The following SLC30A4 variants were observed in gnomAD, a reference collection of about 807,000 sequenced individuals.
The protein encoded by SLC30A4 is probable proton-coupled zinc antiporter SLC30A4.
SLC30A4 carries 20 observed loss-of-function variants against 41.7 expected under a neutral mutation model. The ratio of observed to expected loss-of-function variants is 0.48; its 90% CI spans 0.34 to 0.70. The LOEUF (loss-of-function observed/expected upper bound fraction) is 0.70, where lower values mean the gene tolerates loss of function less well. SLC30A4 is among the 30% of genes least tolerant of loss of function. The pLI, the probability that SLC30A4 is intolerant of heterozygous loss-of-function variation, is 0.01. For synonymous variants in SLC30A4, 181 were observed against 195.9 expected (o/e 0.92, Z 0.64); for missense variants, 441 against 529.3 (o/e 0.83, Z 1.64).
At chr15:45,518,411 A>T (rs1892558697) in intron 2 of SLC30A4, among the ~76,000 whole-genome samples, 1 of 152,194 alleles carries the variant, frequency 6.6e-6, no homozygotes, top group African/African-American at 2.4e-5. Context: ...TCCATTGTAC[A>T]TTCAGAACAT....
intron 6 of SLC30A4, 53 bp from the exon 7 acceptor site, chr15:45,486,798 T>C: frequency 9.6e-7 from 1 of 1,044,886 alleles, no homozygotes; most frequent in Non-Finnish European, 1.3e-6. Flanking sequence ...ATAAAGGAAC[T>C]TTTACATTAC....
intron 2 of SLC30A4, chr15:45,520,918 C>A (rs1324345779): frequency 2.5e-6 from 1 of 400,724 alleles, no homozygotes; most frequent in Non-Finnish European, 5.0e-6. Context: ...ATAGAAGGAC[C>A]AGCCACTTTG....
Position 45,490,853 on chromosome 15 carries a change from C to T in SLC30A4, c.567G>A (p.Leu189=), listed in dbSNP as rs777804013. The T allele has an allele frequency of 6.3e-7, 1 of 1,597,928 alleles. No homozygotes were observed. The change falls in exon 4 of 8, where the codon CTG becomes CTA. Residue 189 remains leucine, a synonymous_variant. Transcript: ENST00000261867. ...LEVLSAMISV[L]LVYILMGFLL... ...GGAATCCCATAAGTATATACACCAACAGCACACTAATCATAGCTGACAAAA... is the reference window on the plus strand; with the variant it reads ...GGAATCCCATAAGTATATACACCAATAGCACACTAATCATAGCTGACAAAA...
At chr15:45,510,614 TATG>T (rs925308102) in intron 3 of SLC30A4, among the ~76,000 whole-genome samples, 2 of 151,944 alleles carry the variant, frequency 1.3e-5, no homozygotes, top group African/African-American at 4.8e-5. Flanking sequence ...GATAGCAATG[TATG>T]ATTTTAACTC....
chr15:45,487,387 A>G (rs1218463817), intron 6 of SLC30A4, 140 bp downstream of exon 6: 2 of 462,940 alleles, frequency 4.3e-6, no homozygotes, highest in East Asian at 5.9e-5. Flanking sequence ...TACATGTTAC[A>G]TACATGTAAG....
At chr15:45,509,127 A>G (rs904056718) in intron 3 of SLC30A4, among the ~76,000 whole-genome samples, 4 of 152,192 alleles carry the variant, frequency 2.6e-5, no homozygotes, top group Non-Finnish European at 5.9e-5. Flanking sequence ...AGGTGTTTAA[A>G]TCTCAAAAAA....
chr15:45,522,725 G>C lies in SLC30A4; in HGVS notation c.-233C>G, dbSNP rs1321288247. 2 of 164,224 alleles carry C rather than the reference G, an allele frequency of 1.2e-5. No individual in the cohort carries two copies. The highest frequency in any genetic ancestry group is 3.5e-4 in the East Asian group (2 of 5,744). 10.2% of individuals were successfully genotyped at this position (164,224 alleles called of 1,614,324 possible). A position where few individuals can be genotyped will look rare whatever the true frequency, so the allele number is the denominator to read the frequency against. Reference sequence around the variant, plus strand: ...GTGGGGTCGTGCTCGCGCCCGCCGCGCCCGCTGCTGGAGGCCGGCTCCCCA... The same window carrying C: ...GTGGGGTCGTGCTCGCGCCCGCCGCCCCCGCTGCTGGAGGCCGGCTCCCCA... On this transcript the variant is annotated 5_prime_UTR_variant, in exon 1 of 8. Coordinates refer to ENST00000261867, the MANE Select transcript of SLC30A4 (RefSeq NM_013309.6).
chr15:45,497,966 C>T (rs2140826424), intron 3 of SLC30A4, among the ~76,000 whole-genome samples: 1 of 152,224 alleles, frequency 6.6e-6, no homozygotes, highest in South Asian at 2.1e-4. Context: ...CACACACAAC[C>T]CAAACATATT....
chr15:45,499,351 A>C (rs1392500966), intron 3 of SLC30A4, among the ~76,000 whole-genome samples: 1 of 151,930 alleles, frequency 6.6e-6, no homozygotes, highest in Non-Finnish European at 1.5e-5. Flanking sequence ...GGATTACAGG[A>C]GTGAACCACT....
At chr15:45,500,254 T>C (rs1486890287) in intron 3 of SLC30A4, among the ~76,000 whole-genome samples, 1 of 152,198 alleles carries the variant, frequency 6.6e-6, no homozygotes, top group Non-Finnish European at 1.5e-5. Context: ...CTAACTTTTA[T>C]TGGGAATTTA....
At chr15:45,511,546 C>G (rs1892291362) in intron 2 of SLC30A4, among the ~76,000 whole-genome samples, 1 of 151,824 alleles carries the variant, frequency 6.6e-6, no homozygotes, top group Admixed American at 6.6e-5. Context: ...TGCAGTGGTG[C>G]AATCTCAGCT....
Position 45,487,589 on chromosome 15 carries a change from G to T in SLC30A4, c.938C>A (p.Ser313Ter). Reference protein sequence around the residue: ...IADPICTYVFSLLVAFTTFRI... With the variant: ...IADPICTYVF ...AAATGTTGTAAAAGCCACAAGTAAT[G>T]AAAATACGTATGTACAGATGGGGTC... is the stretch of plus-strand genomic sequence containing the variant. The change falls in exon 6 of 8, where the codon TCA becomes TAA. Residue 313 changes from serine (S) to a stop codon, truncating the protein, a stop_gained. Transcript: ENST00000261867. LOFTEE classifies it high-confidence loss of function. 6.3e-7 allele frequency: 1 copy of T among 1,581,742 alleles called. No homozygotes were observed. The highest frequency in any genetic ancestry group is 1.1e-5 in the South Asian group (1 of 90,278).
rs1048766800 is a variant in SLC30A4 at position 45,481,013 on chromosome 15, C to G, written c.*4150G>C. The G allele has an allele frequency of 6.6e-6, 1 of 152,206 alleles. No individual in the cohort carries two copies. The highest frequency in any genetic ancestry group is 1.5e-5 in the Non-Finnish European group (1 of 68,050). The allele number at this position is 152,206 out of a possible 1,614,324, so 9.4% of individuals were successfully genotyped here. ...CTTGTCTCTGAAAGATGATTTTCCT[C>G]ACATTAAAATGAGAGAGAAGCTCAC... On this transcript the variant is annotated 3_prime_UTR_variant, in exon 8 of 8. Coordinates refer to ENST00000261867, the MANE Select transcript of SLC30A4 (RefSeq NM_013309.6).
At chr15:45,489,992 G>T (rs1040935551) in intron 4 of SLC30A4, among the ~76,000 whole-genome samples, 1 of 151,916 alleles carries the variant, frequency 6.6e-6, no homozygotes, top group Non-Finnish European at 1.5e-5. Flanking sequence ...AGAATATATA[G>T]ATCTCAAAGC....
chr15:45,511,955 GAAGAA>G (rs1188237311), intron 2 of SLC30A4, among the ~76,000 whole-genome samples: 1 of 152,186 alleles, frequency 6.6e-6, no homozygotes, highest in African/African-American at 2.4e-5. Context: ...CAACAAAGCT[GAAGAA>G]AAGAAGGGTG....
chr15:45,488,551 C>T (rs979662686), intron 5 of SLC30A4, among the ~76,000 whole-genome samples: 6 of 151,318 alleles, frequency 4.0e-5, no homozygotes, highest in Non-Finnish European at 7.4e-5. Flanking sequence ...CCAGCCTGGG[C>T]GAGAAAGTGA....
intron 3 of SLC30A4, 138 bp downstream of exon 3, chr15:45,511,000 G>C (rs1321748411): frequency 1.5e-6 from 1 of 651,128 alleles, no homozygotes; most frequent in Non-Finnish European, 2.6e-6. Context: ...AGATGTTTCT[G>C]AATAAATTTT....
chr15:45,495,286 T>C (rs1347167573), intron 3 of SLC30A4, among the ~76,000 whole-genome samples: 1 of 152,228 alleles, frequency 6.6e-6, no homozygotes, highest in Non-Finnish European at 1.5e-5. Context: ...CCTTATATAA[T>C]TAGGTTGTCT....
chr15:45,489,292 A>T (rs983451629), intron 4 of SLC30A4, among the ~76,000 whole-genome samples: 8 of 152,130 alleles, frequency 5.3e-5, no homozygotes, highest in Admixed American at 4.6e-4. Flanking sequence ...AGGTATAGCC[A>T]GGCAATGTGA....
Sources: allele counts gnomAD v4.1 joint callset (sites outside exome capture counted in the v4.1 genomes callset), GRCh38; gene constraint gnomAD v4.1.1; transcripts MANE v1.5; gene names NCBI Gene and HGNC (gene_info 2026-07-23, HGNC 2026-07-21).